Variants in SWAP70 observed in about 807,000 individuals in gnomAD.
SWAP70 encodes switch-associated protein 70.
In SWAP70, 34 loss-of-function variants were observed where a neutral mutation model predicts 80.2. That is an observed-to-expected ratio of 0.42 (90% CI 0.32 to 0.56). The LOEUF (loss-of-function observed/expected upper bound fraction) is 0.56, where lower values mean the gene tolerates loss of function less well. SWAP70 is among the 20% of genes least tolerant of loss of function. The probability of loss-of-function intolerance (pLI) is 0.09; values close to 1 mark genes in which losing one functional copy is unlikely to be tolerated. For missense variants in SWAP70, 578 were observed against 690.7 expected (o/e 0.84, Z 1.83); for synonymous variants, 239 against 238.5 (o/e 1.00, Z -0.02).
At chr11:9,739,793 C>T (rs927717141) in intron 8 of SWAP70, among the ~76,000 whole-genome samples, 1 of 152,082 alleles carries the variant, frequency 6.6e-6, no homozygotes, top group African/African-American at 2.4e-5. Flanking sequence ...TTCGTTTGCT[C>T]TGACTGGGAA....
chr11:9,721,361 A>C (rs909776447), intron 3 of SWAP70, among the ~76,000 whole-genome samples: 2 of 152,154 alleles, frequency 1.3e-5, no homozygotes, highest in Non-Finnish European at 2.9e-5. Flanking sequence ...TTTGGTAAAC[A>C]CTTACCATGT....
At chr11:9,706,901 C>T (rs998311246) in intron 2 of SWAP70, among the ~76,000 whole-genome samples, 3 of 151,148 alleles carry the variant, frequency 2.0e-5, no homozygotes, top group Admixed American at 2.0e-4. Flanking sequence ...CATTTTTTTC[C>T]TTTTTTTTCT....
At chr11:9,716,238 A>C (rs1371493453) in intron 3 of SWAP70, among the ~76,000 whole-genome samples, 1 of 152,124 alleles carries the variant, frequency 6.6e-6, no homozygotes, top group African/African-American at 2.4e-5. Context: ...ATATGGAGAC[A>C]TGGGAGGTGA....
chr11:9,713,872 G>C (rs1313857701), intron 3 of SWAP70, among the ~76,000 whole-genome samples: 1 of 152,186 alleles, frequency 6.6e-6, no homozygotes, highest in African/African-American at 2.4e-5. Flanking sequence ...AAATGGCTAT[G>C]ATGATAAGTG....
At chr11:9,726,646 A>G (rs1851229016) in intron 4 of SWAP70, among the ~76,000 whole-genome samples, 1 of 152,260 alleles carries the variant, frequency 6.6e-6, no homozygotes, top group African/African-American at 2.4e-5. Context: ...CTTACAATCA[A>G]TATCATATAT....
At chr11:9,682,260 A>G (rs1850577035) in intron 1 of SWAP70, among the ~76,000 whole-genome samples, 1 of 152,168 alleles carries the variant, frequency 6.6e-6, no homozygotes, top group South Asian at 2.1e-4. Context: ...CACGCAGTAG[A>G]GACAGGAGTT....
chr11:9,745,202 C>T (rs1851496997), intron 9 of SWAP70, among the ~76,000 whole-genome samples: 1 of 152,158 alleles, frequency 6.6e-6, no homozygotes, highest in Non-Finnish European at 1.5e-5. Flanking sequence ...ATTCCTGGCT[C>T]TGGTACTTTT....
rs185001879 is a variant in SWAP70 at position 9,737,024 on chromosome 11, C to G, written c.1081-1189C>G. Among the ~76,000 whole-genome samples, 375 of 152,334 alleles carry G rather than the reference C, an allele frequency of 2.5e-3. 1 individual carries two copies. The highest frequency in any genetic ancestry group is 8.7e-3 in the African/African-American group (361 of 41,576). ...AGGAATTTGAGACCAGCCTGGGCAA[C>G]ATAGCGAGACCTCATAGCAGTCAAC... On this transcript the variant is annotated intron_variant, in intron 7 of 11. Coordinates refer to ENST00000318950, the MANE Select transcript of SWAP70 (RefSeq NM_015055.4).
intron 2 of SWAP70, among the ~76,000 whole-genome samples, chr11:9,702,889 A>G (rs947591358): frequency 6.6e-6 from 1 of 152,252 alleles, no homozygotes; most frequent in Non-Finnish European, 1.5e-5. Context: ...AATGTGAGTC[A>G]TGTACTGTAA....
At chr11:9,719,093 CAA>C (rs3049796) in intron 3 of SWAP70, among the ~76,000 whole-genome samples, 54 of 95,640 alleles carry the variant, frequency 5.6e-4, no homozygotes, top group Admixed American at 7.1e-4. Flanking sequence ...GACACTGAAT[CAA>C]AAAAAAAAAA....
chr11:9,679,410 C>T (rs984396654), intron 1 of SWAP70, among the ~76,000 whole-genome samples: 5 of 152,162 alleles, frequency 3.3e-5, no homozygotes, highest in African/African-American at 9.7e-5. Context: ...ACATCTCCAT[C>T]AATTCTTTCA....
At chr11:9,694,025 T>G in intron 1 of SWAP70, 121 bp from the exon 2 acceptor site, 1 of 1,264,932 alleles carries the variant, frequency 7.9e-7, no homozygotes, top group Non-Finnish European at 1.1e-6. Flanking sequence ...CTCACCCTGT[T>G]TTTGCTAGTT....
chr11:9,716,629 A>C (rs1378109490), intron 3 of SWAP70, among the ~76,000 whole-genome samples: 1 of 152,222 alleles, frequency 6.6e-6, no homozygotes, highest in Non-Finnish European at 1.5e-5. Flanking sequence ...GTAGCTGCTC[A>C]CTAAAAGGGG....
At chr11:9,682,326 GA>G (rs1210808705) in intron 1 of SWAP70, among the ~76,000 whole-genome samples, 1 of 152,186 alleles carries the variant, frequency 6.6e-6, no homozygotes, top group East Asian at 1.9e-4. Context: ...ATGAAAAAGA[GA>G]TAGAAGAAGA....
intron 3 of SWAP70, among the ~76,000 whole-genome samples, chr11:9,715,638 C>T (rs2133798346): frequency 6.6e-6 from 1 of 152,312 alleles, no homozygotes; most frequent in African/African-American, 2.4e-5. Flanking sequence ...CACATGGTGG[C>T]AGACAAGAGA....
rs1279026754 is a variant in SWAP70, at chr11:9,740,406, C to T, written c.1355+59C>T. On this transcript the variant is annotated intron_variant, in intron 9 of 11. Transcript: ENST00000318950. Reference sequence around the variant, plus strand: ...TACTTTGCCTGGGCTAATACAGTTTCTTGGAATGACTAACACTCTGGTGGA... The same window carrying T: ...TACTTTGCCTGGGCTAATACAGTTTTTTGGAATGACTAACACTCTGGTGGA... 2.0e-6 allele frequency: 3 copies of T among 1,518,202 alleles called. No homozygotes were observed. In the Admixed American group the frequency reaches 5.0e-5, roughly 25 times the overall value. The allele number at this position is 1,518,202 out of a possible 1,614,324, so 94.0% of individuals were successfully genotyped here.
intron 1 of SWAP70, among the ~76,000 whole-genome samples, chr11:9,672,195 C>CTCTATATATATA (rs1554982641): frequency 1.3e-5 from 1 of 78,438 alleles, no homozygotes; most frequent in Non-Finnish European, 2.3e-5. Flanking sequence ...ATGTGTGTGT[C>CTCTATATATATA]TATATATATA....
intron 2 of SWAP70, among the ~76,000 whole-genome samples, chr11:9,706,632 G>C (rs1850918720): frequency 6.6e-6 from 1 of 151,728 alleles, no homozygotes; most frequent in Non-Finnish European, 1.5e-5. Flanking sequence ...TCTCACATTA[G>C]AAAAAAGTTT....
chr11:9,731,122 A>G (rs1851292994), intron 6 of SWAP70, among the ~76,000 whole-genome samples: 1 of 152,140 alleles, frequency 6.6e-6, no homozygotes, highest in South Asian at 2.1e-4. Context: ...GTTCTTTTTT[A>G]TGGCTCCGTA....
Sources: gnomAD v4.1 joint callset for allele counts (sites outside exome capture counted in the v4.1 genomes callset) on GRCh38, gnomAD v4.1.1 for gene constraint, MANE v1.5 for transcripts, NCBI Gene and HGNC (gene_info 2026-07-23, HGNC 2026-07-21) for gene names.